JADE3: variants seen among roughly 807,000 people sequenced by gnomAD.
JADE3 encodes the protein protein Jade-3.
Under a neutral mutation model 50.1 loss-of-function variants are expected in JADE3, and 2 were observed. That is an observed-to-expected ratio of 0.04 (90% confidence interval 0.02 to 0.13). JADE3 has a LOEUF of 0.13. Ranked by LOEUF, JADE3 falls within the 10% of genes least tolerant of loss-of-function variation. The pLI is 1.00. For synonymous variants in JADE3, 218 were observed against 232.9 expected, an observed-to-expected ratio of 0.94 and a Z score of 0.58; for missense variants, 475 against 634.4, an observed-to-expected ratio of 0.75 and a Z score of 2.70.
chrX:46,929,849 G>A (rs1926453818), intron 1 of JADE3, among the ~76,000 whole-genome samples: 1 of 112,056 alleles, frequency 8.9e-6, no homozygotes. Flanking sequence ...CTCTGAGTTT[G>A]TTCCATCCTG....
At chrX:47,024,966 A>G (rs1556365253) in intron 5 of JADE3, 52 bp downstream of exon 5, 6 of 661,562 alleles carry the variant, frequency 9.1e-6, no homozygotes, top group South Asian at 3.4e-5. Flanking sequence ...TTTTTTTTTT[A>G]AGTTATCAGA....
intron 8 of JADE3, among the ~76,000 whole-genome samples, chrX:47,051,523 G>A (rs1336095982): frequency 2.7e-5 from 3 of 112,428 alleles, no homozygotes; most frequent in Non-Finnish European, 1.9e-5. Flanking sequence ...AGGGTGCAGT[G>A]GCTCATGCCT....
In JADE3 at chrX:46,981,792, G is replaced by A. The variant is rs186409368; in HGVS notation, c.-11-3092G>A. On this transcript the variant is annotated intron_variant, in intron 1 of 10. Transcript: ENST00000614628. The stretch of plus-strand genomic sequence containing the variant: ...CAGATATGTGCAACCAATCACCAAA[G>A]GACACAATATGTTTTCACACTGTCT... 2.7e-5 allele frequency among the ~76,000 whole-genome samples: 3 copies of A among 112,021 alleles called. No homozygotes were observed. In the East Asian group the frequency reaches 8.3e-4, roughly 31 times the overall value.
At chrX:47,041,682 CTTT>C (rs782168941) in intron 8 of JADE3, among the ~76,000 whole-genome samples, 1 of 102,653 alleles carries the variant, frequency 9.7e-6, no homozygotes, top group African/African-American at 3.5e-5. Flanking sequence ...GCACTGTGCT[CTTT>C]TTTTTTTTTG....
At chrX:46,917,027 T>G (rs1569533729) in intron 1 of JADE3, among the ~76,000 whole-genome samples, 1 of 111,849 alleles carries the variant, frequency 8.9e-6, no homozygotes, top group East Asian at 2.8e-4. Flanking sequence ...CAGGCCAACT[T>G]GGATTCAAAT....
intron 6 of JADE3, among the ~76,000 whole-genome samples, chrX:47,029,797 A>G (rs1314842457): frequency 2.7e-5 from 3 of 111,720 alleles, no homozygotes; most frequent in Non-Finnish European, 3.8e-5. Flanking sequence ...AATCTTTACC[A>G]TTTAACTATG....
intron 8 of JADE3, among the ~76,000 whole-genome samples, chrX:47,041,737 G>A (rs781859305): frequency 2.0e-4 from 21 of 105,915 alleles, no homozygotes; most frequent in East Asian, 6.0e-4. Flanking sequence ...GTGCAATGGC[G>A]CAATCTCAGC....
intron 1 of JADE3, among the ~76,000 whole-genome samples, chrX:46,945,971 G>T (rs1227092673): frequency 9.0e-6 from 1 of 111,628 alleles, no homozygotes; most frequent in South Asian, 3.8e-4. Context: ...CATATGTGAG[G>T]ATTTGTGTAT....
intron 4 of JADE3, among the ~76,000 whole-genome samples, chrX:47,001,757 G>T (rs1438440490): frequency 1.8e-5 from 2 of 111,892 alleles, no homozygotes; most frequent in African/African-American, 3.2e-5. Context: ...AAAATCAAAT[G>T]ACTTCAATTA....
rs781829504 is a variant in JADE3, at chrX:47,015,608, A to G, written c.285-9116A>G. 3.6e-5 allele frequency among the ~76,000 whole-genome samples: 4 copies of G among 110,502 alleles called. No homozygotes were observed. In the South Asian group the frequency reaches 1.5e-3, roughly 43 times the overall value. Reference sequence around the variant, plus strand: ...AAAAAAAAAAAAAGGAATTGATCTAATGTAATACAATAGTAAATTAAGTTA... The same window carrying G: ...AAAAAAAAAAAAAGGAATTGATCTAGTGTAATACAATAGTAAATTAAGTTA... On this transcript the variant is annotated intron_variant, in intron 4 of 10. Transcript: ENST00000614628.
intron 8 of JADE3, among the ~76,000 whole-genome samples, chrX:47,046,270 G>C (rs782048016): frequency 3.5e-4 from 39 of 111,537 alleles, no homozygotes; most frequent in Non-Finnish European, 6.2e-4. Flanking sequence ...CAACAAACTG[G>C]AAAACCTAGA....
At chrX:46,988,000 A>T (rs2147132419) in intron 3 of JADE3, among the ~76,000 whole-genome samples, 1 of 112,645 alleles carries the variant, frequency 8.9e-6, no homozygotes, top group South Asian at 3.6e-4. Context: ...TCTCTCTGAG[A>T]TAATTTGTCA....
At chrX:47,039,952 A>C (rs1295941037) in intron 8 of JADE3, among the ~76,000 whole-genome samples, 1 of 111,254 alleles carries the variant, frequency 9.0e-6, no homozygotes, top group Non-Finnish European at 1.9e-5. Flanking sequence ...GTCCATGCCT[A>C]CTCAATGTTT....
chrX:46,986,987 T>A (rs1263862879), intron 3 of JADE3, among the ~76,000 whole-genome samples: 4 of 112,281 alleles, frequency 3.6e-5, no homozygotes, highest in Non-Finnish European at 7.5e-5. Context: ...TCAGTTTCTG[T>A]GGGTCAGTAA....
chrX:47,009,966 C>T (rs1200346698), intron 4 of JADE3, among the ~76,000 whole-genome samples: 8 of 90,308 alleles, frequency 8.9e-5, no homozygotes, highest in East Asian at 3.5e-4. Flanking sequence ...TTTTTTTGGC[C>T]GGGCATCTCA....
intron 1 of JADE3, among the ~76,000 whole-genome samples, chrX:46,971,870 A>G (rs1201885338): frequency 2.7e-5 from 3 of 110,482 alleles, no homozygotes; most frequent in East Asian, 5.7e-4. Context: ...TCAAGATAAC[A>G]TTATAGAGTT....
At chrX:46,975,976 C>A (rs1172152473) in intron 1 of JADE3, among the ~76,000 whole-genome samples, 6 of 110,215 alleles carry the variant, frequency 5.4e-5, no homozygotes, top group Non-Finnish European at 1.1e-4. Context: ...GATCTGCCCA[C>A]CTCGACCTTC....
intron 4 of JADE3, among the ~76,000 whole-genome samples, chrX:47,004,082 C>T (rs1928357486): frequency 9.3e-6 from 1 of 107,942 alleles, no homozygotes; most frequent in Non-Finnish European, 1.9e-5. Flanking sequence ...TTCATCGCCA[C>T]GCCCAGCTGA....
At chrX:47,054,796 T>C (rs1929602122) in intron 9 of JADE3, among the ~76,000 whole-genome samples, 168 bp downstream of exon 9, 1 of 111,833 alleles carries the variant, frequency 8.9e-6, no homozygotes, top group South Asian at 3.7e-4. Context: ...GTGTAAATTC[T>C]GACAGGCACA....
Sources: allele counts gnomAD v4.1 joint callset (sites outside exome capture counted in the v4.1 genomes callset), GRCh38; gene constraint gnomAD v4.1.1; transcripts MANE v1.5; gene names NCBI Gene and HGNC (gene_info 2026-07-23, HGNC 2026-07-21).